Variants in GARS1 observed in about 807,000 individuals in gnomAD.
The protein encoded by GARS1 is glycine--tRNA ligase.
GARS1 carries 46 observed loss-of-function variants against 86.4 expected under a neutral mutation model. The ratio of observed to expected loss-of-function variants is 0.53; its 90% CI spans 0.42 to 0.68. The LOEUF is 0.68. Ranked by LOEUF, GARS1 falls within the 30% of genes least tolerant of loss-of-function variation. The pLI is 0.00. For synonymous variants in GARS1, 342 were observed against 329.8 expected (o/e 1.04, Z -0.40); for missense variants, 797 against 915.6 (o/e 0.87, Z 1.67).
chr7:30,632,819 A>G lies in GARS1; in HGVS notation c.2094+382A>G, dbSNP rs1783263233. The stretch of plus-strand genomic sequence containing the variant: ...CAGACGCGTATACATGTGTATGTAT[A>G]AGCTTTTCCGTGTTCATATATTCAA... On this transcript the variant is annotated intron_variant, in intron 16 of 16. Transcript: ENST00000389266. The surrounding 1 kb of genome is among the most constrained non-coding windows in gnomAD (Gnocchi z 4.1). Among the ~76,000 whole-genome samples, 1 of 152,238 alleles carries G rather than the reference A, an allele frequency of 6.6e-6. No homozygotes were observed. The highest frequency in any genetic ancestry group is 6.5e-5 in the Admixed American group (1 of 15,282).
chr7:30,622,029 T>G, intron 11 of GARS1: 1 of 438,378 alleles, frequency 2.3e-6, no homozygotes, highest in Non-Finnish European at 4.2e-6. Flanking sequence ...TTAGAAATAC[T>G]TATCAGAAGT....
chr7:30,621,684 C>G, intron 11 of GARS1, 184 bp downstream of exon 11: 1 of 628,750 alleles, frequency 1.6e-6, no homozygotes, highest in Non-Finnish European at 2.8e-6. Context: ...TACTTGTAGT[C>G]TGACGTGTGC....
intron 1 of GARS1, chr7:30,595,729 A>G (rs145059976): frequency 4.9e-5 from 23 of 470,674 alleles, no homozygotes; most frequent in African/African-American, 4.2e-4. Flanking sequence ...AGAAAATAGA[A>G]TTGAAATGTG....
At chr7:30,604,223 G>A (rs1307122463) in intron 6 of GARS1, among the ~76,000 whole-genome samples, 1 of 152,004 alleles carries the variant, frequency 6.6e-6, no homozygotes, top group Non-Finnish European at 1.5e-5. Context: ...AAAACTGCAC[G>A]TCTCCCTGGG....
chr7:30,630,328 G>T (rs1428432845), intron 14 of GARS1, among the ~76,000 whole-genome samples: 1 of 152,130 alleles, frequency 6.6e-6, no homozygotes, highest in African/African-American at 2.4e-5. Context: ...GGCAATAAAG[G>T]TTAATTGAAC....
intron 11 of GARS1, 30 bp from the exon 12 acceptor site, chr7:30,622,287 G>C: frequency 1.2e-6 from 2 of 1,613,582 alleles, no homozygotes; most frequent in Non-Finnish European, 1.7e-6. Context: ...AGGCAGTGCT[G>C]TAGTTTTGGA....
chr7:30,631,309 A>T (rs767251123), intron 14 of GARS1, 139 bp from the exon 15 acceptor site: 12 of 649,030 alleles, frequency 1.8e-5, no homozygotes, highest in Non-Finnish European at 3.3e-5. Flanking sequence ...ACTGCTTTTC[A>T]TGTCATGTTT....
At chr7:30,620,100 A>G (rs1782973226) in intron 10 of GARS1, among the ~76,000 whole-genome samples, 1 of 140,990 alleles carries the variant, frequency 7.1e-6, no homozygotes, top group African/African-American at 2.7e-5. Context: ...TTGATGGTTG[A>G]ATTTCCCCAA....
chr7:30,616,540 C>T (rs1243616682), intron 9 of GARS1, among the ~76,000 whole-genome samples: 2 of 152,224 alleles, frequency 1.3e-5, no homozygotes, highest in African/African-American at 4.8e-5. Context: ...TGAGTTGCCT[C>T]AGGGAGCAGT....
At position 30,595,121 on chromosome 7, in the gene GARS1, T is replaced by C. The variant is rs1175620874; in HGVS notation, c.200T>C (p.Leu67Pro). The change falls in exon 1 of 17, where the codon CTG becomes CCG. Residue 67 changes from leucine (L) to proline (P), a missense_variant. Leu to Pro is a moderately conservative substitution (Grantham distance 98). Coordinates refer to ENST00000389266, the MANE Select transcript of GARS1 (RefSeq NM_002047.4). ...GGGGCTGAGGAGGTGCTGGCACCTCTGAGGCTAGCAGTGCGCCAGCAGGTA... is the reference window on the plus strand; with the variant it reads ...GGGGCTGAGGAGGTGCTGGCACCTCCGAGGCTAGCAGTGCGCCAGCAGGTA... ...GAGAEEVLAP[L>P]RLAVRQQGDL... 1 of 1,539,092 alleles carries C rather than the reference T, an allele frequency of 6.5e-7. No individual in the cohort carries two copies. Among genetic ancestry groups the C allele is most frequent in the Non-Finnish European group, 8.7e-7 (1 of 1,147,986 alleles).
intron 10 of GARS1, 34 bp downstream of exon 10, chr7:30,617,312 C>G: frequency 1.9e-6 from 3 of 1,608,214 alleles, no homozygotes; most frequent in Non-Finnish European, 2.6e-6. Flanking sequence ...GTGATTTTCA[C>G]ATTGTTAACT....
At chr7:30,595,259 C>T (rs1791222258) in intron 1 of GARS1, 116 bp downstream of exon 1, 3 of 1,023,556 alleles carry the variant, frequency 2.9e-6, no homozygotes, top group Admixed American at 4.1e-5. Flanking sequence ...CCCTTTCTTT[C>T]CCTTCATCCT....
At chr7:30,633,580 G>A (rs1023704225) in intron 16 of GARS1, among the ~76,000 whole-genome samples, 155 bp from the exon 17 acceptor site, 7 of 152,206 alleles carry the variant, frequency 4.6e-5, no homozygotes, top group Non-Finnish European at 1.0e-4. Flanking sequence ...GTTGTCTGGG[G>A]GAACTGGTGG....
rs1031902038 is a variant in GARS1, at chr7:30,618,123, A to G, written c.1359+845A>G. ...AGTCATATTTTAAAAAGTAATGACT[A>G]CTTTTTTTAAAACAAAAAGGAAAAA... On this transcript the variant is annotated intron_variant, in intron 10 of 16. Transcript: ENST00000389266. 3.3e-5 allele frequency among the ~76,000 whole-genome samples: 5 copies of G among 152,316 alleles called. 1 individual carries two copies. The highest frequency in any genetic ancestry group is 6.5e-5 in the Admixed American group (1 of 15,300).
Position 30,594,945 on chromosome 7 carries a change from G to T in GARS1, c.24G>T (p.Leu8=). ...TCATGCCCTCTCCGCGTCCAGTGCTGCTTAGAGGTGCTCGCGCCGCTCTGC... is the reference window on the plus strand; with the variant it reads ...TCATGCCCTCTCCGCGTCCAGTGCTTCTTAGAGGTGCTCGCGCCGCTCTGC... MPSPRPV[L]LRGARAALLL... The change falls in exon 1 of 17, where the codon CTG becomes CTT. Residue 8 remains leucine (L), a synonymous_variant. Coordinates refer to ENST00000389266, the MANE Select transcript of GARS1 (RefSeq NM_002047.4). 1 of 1,595,470 alleles carries T rather than the reference G, an allele frequency of 6.3e-7. No homozygotes were observed.
intron 3 of GARS1, among the ~76,000 whole-genome samples, chr7:30,600,805 A>AGG (rs1192550319): frequency 6.6e-6 from 1 of 152,224 alleles, no homozygotes; most frequent in Non-Finnish European, 1.5e-5. Context: ...CTGTTCTCTA[A>AGG]GGGGGAACTT....
chr7:30,617,824 C>T (rs1215816270), intron 10 of GARS1, among the ~76,000 whole-genome samples: 2 of 152,184 alleles, frequency 1.3e-5, no homozygotes, highest in Non-Finnish European at 2.9e-5. Context: ...CAGCCTCCAC[C>T]ACCAAACATG....
chr7:30,626,728 A>G (rs1783136248), intron 13 of GARS1, among the ~76,000 whole-genome samples: 1 of 152,220 alleles, frequency 6.6e-6, no homozygotes, highest in South Asian at 2.1e-4. Flanking sequence ...TACGCCTGTA[A>G]TCCCAGCACT....
chr7:30,617,915 G>T (rs1782921733), intron 10 of GARS1, among the ~76,000 whole-genome samples: 1 of 152,150 alleles, frequency 6.6e-6, no homozygotes, highest in African/African-American at 2.4e-5. Context: ...AGGAAATGTG[G>T]CATCTAAAAC....
Sources: allele counts gnomAD v4.1 joint callset (sites outside exome capture counted in the v4.1 genomes callset), GRCh38; gene constraint gnomAD v4.1.1; non-coding constraint Gnocchi (gnomAD v3.1); transcripts MANE v1.5; gene names NCBI Gene and HGNC (gene_info 2026-07-23, HGNC 2026-07-21).